The following NBAS variants were observed in gnomAD, a reference collection of about 807,000 sequenced individuals.
NBAS encodes the protein NAG/BC035112 fusion.
Under a neutral mutation model 302.5 loss-of-function variants are expected in NBAS, and 219 were observed. That is an observed-to-expected ratio of 0.72 (90% CI 0.65 to 0.81). The LOEUF is 0.81. NBAS is among the 30% of genes least tolerant of loss of function. The probability of loss-of-function intolerance (pLI) is 0.00; values close to 1 mark genes in which losing one functional copy is unlikely to be tolerated. For missense variants in NBAS, 2,932 were observed against 2,841.6 expected (o/e 1.03, Z -0.72); for synonymous variants, 1,118 against 1,021.6 (o/e 1.09, Z -1.80).
At chr2:14,943,168 A>G in the NBAS span, among the ~76,000 whole-genome samples, 1 of 152,342 alleles carries the variant, frequency 6.6e-6, no homozygotes, top group Admixed American at 6.5e-5. Flanking sequence ...GCTTCTAGTC[A>G]TGTTCCTAAT....
the NBAS span, among the ~76,000 whole-genome samples, chr2:15,112,931 G>A: frequency 6.6e-6 from 1 of 152,090 alleles, no homozygotes; most frequent in Non-Finnish European, 1.5e-5. Context: ...AGCATTAAAT[G>A]TGTTTGCATG....
the NBAS span, among the ~76,000 whole-genome samples, chr2:14,843,557 G>GACACACACACACACACACACACAC: frequency 2.0e-5 from 3 of 147,118 alleles, no homozygotes; most frequent in African/African-American, 7.6e-5. Flanking sequence ...TACAGACACA[G>GACACACACACACACACACACACAC]ACACACACAC....
At chr2:15,305,615 C>G (rs987909592) in intron 40 of NBAS, among the ~76,000 whole-genome samples, 14 of 152,018 alleles carry the variant, frequency 9.2e-5, no homozygotes, top group Non-Finnish European at 1.8e-4. Flanking sequence ...CCATGCCCAG[C>G]TAATTTTTAT....
Position 15,424,175 on chromosome 2 carries a change from GAAAT to G in NBAS, c.2577+136_2577+139del. 6 of 1,076,038 alleles carry G rather than the reference GAAAT, an allele frequency of 5.6e-6. No homozygotes were observed. In the South Asian group the frequency reaches 6.6e-5, roughly 12 times the overall value. 66.7% of individuals were successfully genotyped at this position (1,076,038 alleles called of 1,614,324 possible). A position where few individuals can be genotyped will look rare whatever the true frequency, so the allele number is the denominator to read the frequency against. ...ACGTTCTAATGCACAGGATAACAAA[GAAAT>G]AAATATTCAATTCATCTCTTGCAAT... On this transcript the variant is annotated intron_variant, in intron 23 of 51. Transcript: ENST00000281513.
chr2:15,208,801 G>T (rs1666268902), intron 48 of NBAS, among the ~76,000 whole-genome samples: 1 of 151,818 alleles, frequency 6.6e-6, no homozygotes, highest in Admixed American at 6.6e-5. Context: ...TGTAAAAGCA[G>T]GACTAAGAAA....
At chr2:15,292,793 T>G in intron 40 of NBAS, 27 bp from the exon 41 acceptor site, 1 of 1,602,798 alleles carries the variant, frequency 6.2e-7, no homozygotes, top group Non-Finnish European at 8.5e-7. Flanking sequence ...AAAGAAGACA[T>G]TTTACCAACA....
chr2:14,934,805 C>T, the NBAS span, among the ~76,000 whole-genome samples: 5 of 152,054 alleles, frequency 3.3e-5, no homozygotes, highest in African/African-American at 1.2e-4. Flanking sequence ...TTTGTCTGGA[C>T]ATAGAATTCT....
intron 10 of NBAS, among the ~76,000 whole-genome samples, chr2:15,508,896 G>A (rs1285129940): frequency 2.0e-5 from 3 of 152,068 alleles, no homozygotes; most frequent in South Asian, 2.1e-4. Flanking sequence ...CCAGGTAATC[G>A]GGAGGCTGAG....
chr2:15,506,277 C>A (rs1263025740), intron 10 of NBAS, among the ~76,000 whole-genome samples: 1 of 151,980 alleles, frequency 6.6e-6, no homozygotes, highest in Non-Finnish European at 1.5e-5. Context: ...AGAAAAAAAT[C>A]TGAATCTACA....
intron 9 of NBAS, among the ~76,000 whole-genome samples, chr2:15,524,880 A>G (rs1478070249): frequency 3.3e-5 from 5 of 152,000 alleles, no homozygotes; most frequent in African/African-American, 1.2e-4. Context: ...GAATGTCAAC[A>G]CAAGTACTAA....
At chr2:15,518,700 A>C (rs1376575008) in intron 9 of NBAS, among the ~76,000 whole-genome samples, 10 of 152,182 alleles carry the variant, frequency 6.6e-5, no homozygotes, top group Admixed American at 6.5e-4. Context: ...GCTGCTGATA[A>C]AGACATGCCC....
chr2:15,202,549 TTTA>T (rs1665930850), intron 48 of NBAS, among the ~76,000 whole-genome samples: 2 of 127,654 alleles, frequency 1.6e-5, no homozygotes, highest in Non-Finnish European at 3.3e-5. Context: ...TATTTATTTA[TTTA>T]TTTAGAGATG....
At chr2:14,929,980 C>T in the NBAS span, among the ~76,000 whole-genome samples, 8 of 152,274 alleles carry the variant, frequency 5.3e-5, no homozygotes, top group East Asian at 1.5e-3. Context: ...GTAGCACTTT[C>T]CCCTTTGCTC....
chr2:15,186,968 C>T (rs770230258), intron 49 of NBAS, 88 bp from the exon 50 acceptor site: 752 of 1,549,434 alleles, frequency 4.9e-4, no homozygotes, highest in Non-Finnish European at 5.9e-4. Context: ...GAAATGCTTA[C>T]GGTAAATTAC....
At chr2:15,389,211 G>T (rs987632453) in intron 28 of NBAS, among the ~76,000 whole-genome samples, 4 of 152,148 alleles carry the variant, frequency 2.6e-5, no homozygotes, top group African/African-American at 9.7e-5. Context: ...GATGACCCCA[G>T]CAATACTGAG....
intron 30 of NBAS, among the ~76,000 whole-genome samples, chr2:15,377,776 A>G (rs867331465): frequency 6.6e-6 from 1 of 152,238 alleles, no homozygotes; most frequent in Non-Finnish European, 1.5e-5. Flanking sequence ...ATCTGTATAC[A>G]CTAGCTCAAT....
At chr2:14,849,697 T>A in the NBAS span, among the ~76,000 whole-genome samples, 14 of 140,930 alleles carry the variant, frequency 9.9e-5, no homozygotes, top group South Asian at 2.5e-3. Context: ...CGGGTTACCC[T>A]CAAAGGGAAG....
the NBAS span, among the ~76,000 whole-genome samples, chr2:14,839,493 A>G: frequency 5.3e-5 from 8 of 152,218 alleles, no homozygotes; most frequent in South Asian, 1.7e-3. Flanking sequence ...CCAGCCTTGG[A>G]AACTTTACCC....
chr2:15,536,561 A>AGG lies in NBAS; in HGVS notation c.514-12_514-11dup, dbSNP rs1270327765. 1 of 1,594,242 alleles carries AGG rather than the reference A, an allele frequency of 6.3e-7. No homozygotes were observed. Among genetic ancestry groups the AGG allele is most frequent in the East Asian group, 2.2e-5 (1 of 44,768 alleles). On this transcript the variant is annotated splice_polypyrimidine_tract_variant and intron_variant, in intron 7 of 51. Transcript: ENST00000281513. ...CTATAAAACTAGATGCCTACAGAAG[A>AGG]GGGGGAAATTAAGTTACTAAAAAAA...
Sources: gnomAD v4.1 joint callset for allele counts (sites outside exome capture counted in the v4.1 genomes callset) on GRCh38, gnomAD v4.1.1 for gene constraint, MANE v1.5 for transcripts, NCBI Gene and HGNC (gene_info 2026-07-23, HGNC 2026-07-21) for gene names.